Variants in MRTFA observed in about 807,000 individuals in gnomAD.
The protein encoded by MRTFA is myocardin related transcription factor A.
A neutral mutation model predicts 83.5 loss-of-function variants in MRTFA; 20 were observed. That is an observed-to-expected ratio of 0.24 (90% CI 0.17 to 0.35). MRTFA has a LOEUF of 0.35. Ranked by LOEUF, MRTFA falls within the 10% of genes least tolerant of loss-of-function variation. The probability of loss-of-function intolerance (pLI) is 1.00; values close to 1 mark genes in which losing one functional copy is unlikely to be tolerated. For missense variants in MRTFA, 1,200 were observed against 1,224.7 expected (o/e 0.98, Z 0.30); for synonymous variants, 659 against 541.2 (o/e 1.22, Z -3.02).
intron 1 of MRTFA, among the ~76,000 whole-genome samples, chr22:40,625,449 C>CAAATAAATAAA (rs1569358197): frequency 9.5e-5 from 13 of 137,566 alleles, no homozygotes; most frequent in Non-Finnish European, 1.7e-4. Flanking sequence ...GGCCCTCTCT[C>CAAATAAATAAA]TAAATAAATA....
intron 10 of MRTFA, 128 bp from the exon 11 acceptor site, chr22:40,420,704 TG>T: frequency 6.5e-7 from 1 of 1,527,834 alleles, no homozygotes. Flanking sequence ...AAGGCTAGGG[TG>T]GCCCTGCCTG....
chr22:40,594,887 TAAA>T (rs776075354), intron 1 of MRTFA, among the ~76,000 whole-genome samples, 152 bp from the exon 2 acceptor site: 5 of 104,994 alleles, frequency 4.8e-5, no homozygotes, highest in Admixed American at 1.0e-4. Flanking sequence ...TGTCACTGGT[TAAA>T]AAAAAAAAAA....
chr22:40,621,611 G>A (rs2056524141), intron 1 of MRTFA, among the ~76,000 whole-genome samples: 1 of 152,068 alleles, frequency 6.6e-6, no homozygotes, highest in Non-Finnish European at 1.5e-5. Flanking sequence ...GGTTACGATG[G>A]TAAATTTTAA....
chr22:40,571,057 A>T (rs1480046168), intron 2 of MRTFA, among the ~76,000 whole-genome samples: 1 of 145,858 alleles, frequency 6.9e-6, no homozygotes, highest in African/African-American at 2.5e-5. Context: ...AAAAAAAAAA[A>T]AATTAGCTGG....
At chr22:40,585,420 T>G (rs1318607987) in intron 2 of MRTFA, among the ~76,000 whole-genome samples, 1 of 152,008 alleles carries the variant, frequency 6.6e-6, no homozygotes, top group African/African-American at 2.4e-5. Flanking sequence ...GAGGAGGGAA[T>G]AGGGACTTAT....
chr22:40,562,633 G>A (rs2055639719), intron 2 of MRTFA, among the ~76,000 whole-genome samples: 1 of 83,562 alleles, frequency 1.2e-5, no homozygotes, highest in Admixed American at 1.1e-4. Flanking sequence ...GAGAGGAAGG[G>A]GGAAAGGGGG....
chr22:40,600,066 G>A (rs1330311833), intron 1 of MRTFA, among the ~76,000 whole-genome samples: 1 of 151,418 alleles, frequency 6.6e-6, no homozygotes, highest in Non-Finnish European at 1.5e-5. Context: ...ATAAACTGTG[G>A]GGATTTTTTG....
intron 4 of MRTFA, among the ~76,000 whole-genome samples, chr22:40,441,936 C>A (rs956563632): frequency 6.6e-6 from 1 of 151,824 alleles, no homozygotes; most frequent in Non-Finnish European, 1.5e-5. Context: ...GTGATGACAG[C>A]GCAGGGGCCC....
In MRTFA at chr22:40,420,677, G is replaced by A. The variant is rs1015752586; in HGVS notation, c.1182-101C>T. ...AGCAGGATTGGGTACAGATGGGCAT[G>A]GGGCAAGGGCCCAGCAAAGGCTAGG... On this transcript the variant is annotated intron_variant, in intron 10 of 14. Coordinates refer to ENST00000355630, the MANE Select transcript of MRTFA (RefSeq NM_020831.6). 2.6e-6 allele frequency: 4 copies of A among 1,543,574 alleles called. No individual in the cohort carries two copies. The East Asian group carries it at 6.8e-5, about 26-fold the overall frequency.
In MRTFA at chr22:40,564,383, GAAGAA is replaced by G. The variant is rs1356973775; in HGVS notation, c.-21-12021_-21-12017del. Among the ~76,000 whole-genome samples the G allele has an allele frequency of 9.2e-5, 14 of 152,228 alleles. No individual in the cohort carries two copies. The South Asian group carries it at 2.5e-3, about 27-fold the overall frequency. ...TTACAAGAATAGGAAGAGAATAACA[GAAGAA>G]AAGTAGGAAGAGTTTGAGAAAGAGG... is the stretch of plus-strand genomic sequence containing the variant. On this transcript the variant is annotated intron_variant, in intron 2 of 14. Coordinates refer to ENST00000355630, the MANE Select transcript of MRTFA (RefSeq NM_020831.6).
At chr22:40,438,745 C>T (rs1265602383) in intron 4 of MRTFA, among the ~76,000 whole-genome samples, 2 of 151,782 alleles carry the variant, frequency 1.3e-5, no homozygotes, top group Non-Finnish European at 2.9e-5. Flanking sequence ...ATTTACACAT[C>T]GAATTTTGTC....
At chr22:40,581,414 A>G (rs1464541207) in intron 2 of MRTFA, among the ~76,000 whole-genome samples, 1 of 152,182 alleles carries the variant, frequency 6.6e-6, no homozygotes, top group Non-Finnish European at 1.5e-5. Flanking sequence ...AAATCTTGCC[A>G]AAAACTTTCT....
intron 2 of MRTFA, among the ~76,000 whole-genome samples, chr22:40,571,684 C>T (rs73169036): frequency 0.081 from 12,303 of 151,364 alleles, 725 homozygotes; most frequent in East Asian, 0.25. Context: ...TTTGAGAGGC[C>T]GAGGTAAGTC....
At chr22:40,630,594 A>G (rs935136479) in intron 1 of MRTFA, among the ~76,000 whole-genome samples, 2 of 152,248 alleles carry the variant, frequency 1.3e-5, no homozygotes, top group Non-Finnish European at 2.9e-5. Context: ...TAGGAAGATC[A>G]CTACTGCCTC....
At chr22:40,514,268 T>A (rs112450374) in intron 3 of MRTFA, among the ~76,000 whole-genome samples, 2,676 of 151,514 alleles carry the variant, frequency 0.018, 65 homozygotes, top group Middle Eastern at 0.078. Context: ...AAATACATAA[T>A]TAAATAAATA....
chr22:40,541,946 G>A (rs1052346894), intron 3 of MRTFA, among the ~76,000 whole-genome samples: 12 of 152,072 alleles, frequency 7.9e-5, no homozygotes, highest in African/African-American at 2.7e-4. Context: ...GATTACAGGC[G>A]TGAGCCACTG....
chr22:40,498,976 C>A (rs763569848), intron 3 of MRTFA, among the ~76,000 whole-genome samples: 9 of 152,066 alleles, frequency 5.9e-5, no homozygotes, highest in Admixed American at 2.0e-4. Flanking sequence ...GTTGGGTATA[C>A]AGAATGTTCA....
intron 2 of MRTFA, among the ~76,000 whole-genome samples, chr22:40,589,756 C>T (rs1248784129): frequency 2.6e-5 from 4 of 152,110 alleles, no homozygotes; most frequent in Admixed American, 6.6e-5. Context: ...AGGCCGGGCA[C>T]GGTGGCTCAC....
intron 1 of MRTFA, among the ~76,000 whole-genome samples, chr22:40,618,271 T>A (rs1330983025): frequency 2.0e-5 from 3 of 148,556 alleles, no homozygotes; most frequent in Non-Finnish European, 3.0e-5. Flanking sequence ...TTTTTTTTTT[T>A]AGTAGAGATG....
Sources: gnomAD v4.1 joint callset for allele counts (sites outside exome capture counted in the v4.1 genomes callset) on GRCh38, gnomAD v4.1.1 for gene constraint, MANE v1.5 for transcripts, NCBI Gene and HGNC (gene_info 2026-07-23, HGNC 2026-07-21) for gene names.